DMD: variants seen among roughly 807,000 people sequenced by gnomAD.
DMD encodes dystrophin.
A neutral mutation model predicts 330.1 loss-of-function variants in DMD; 63 were observed. The observed-to-expected ratio is 0.19, with a 90% CI of 0.16 to 0.24. The LOEUF is 0.24. DMD is among the 10% of genes least tolerant of loss of function. The pLI is 1.00. For synonymous variants in DMD, 1,223 were observed against 959.8 expected, an observed-to-expected ratio of 1.27 and a Z score of -5.07; for missense variants, 3,344 against 2,684.1, an observed-to-expected ratio of 1.25 and a Z score of -5.43.
At chrX:32,301,713 G>A (rs1378292656) in intron 42 of DMD, among the ~76,000 whole-genome samples, 1 of 110,584 alleles carries the variant, frequency 9.0e-6, no homozygotes, top group African/African-American at 3.3e-5. Context: ...AAGCAAAAAA[G>A]AGAAAAAAAC....
At chrX:32,827,811 G>A (rs950396500) in intron 4 of DMD, among the ~76,000 whole-genome samples, 8 of 110,076 alleles carry the variant, frequency 7.3e-5, no homozygotes, top group Non-Finnish European at 1.3e-4. Flanking sequence ...ACAGGCATGC[G>A]CCACCACGCC....
intron 27 of DMD, among the ~76,000 whole-genome samples, chrX:32,445,111 C>T (rs781165641): frequency 1.9e-4 from 21 of 111,640 alleles, no homozygotes; most frequent in Non-Finnish European, 3.0e-4. Flanking sequence ...TGTTGACAAG[C>T]GTCAGCTTGA....
chrX:31,174,302 G>A (rs2040298369), intron 71 of DMD, among the ~76,000 whole-genome samples: 1 of 111,572 alleles, frequency 9.0e-6, no homozygotes, highest in African/African-American at 3.2e-5. Context: ...CTAAAACATA[G>A]GTGAGAAAAT....
chrX:32,859,703 CCTTTT>C (rs1047097564), intron 2 of DMD, among the ~76,000 whole-genome samples: 6 of 110,999 alleles, frequency 5.4e-5, no homozygotes, highest in Admixed American at 4.8e-4. Context: ...CTTTTTCCTC[CCTTTT>C]CTTGTTCTTT....
intron 25 of DMD, among the ~76,000 whole-genome samples, chrX:32,458,372 T>C (rs1432653313): frequency 2.7e-5 from 3 of 111,994 alleles, no homozygotes; most frequent in African/African-American, 9.7e-5. Flanking sequence ...GTTATATGCA[T>C]ATACCATGTT....
At chrX:32,688,698 G>T (rs919529122) in intron 9 of DMD, among the ~76,000 whole-genome samples, 1 of 111,265 alleles carries the variant, frequency 9.0e-6, no homozygotes, top group Admixed American at 9.6e-5. Context: ...GCATATGCAG[G>T]TCCCACAGAC....
intron 18 of DMD, among the ~76,000 whole-genome samples, chrX:32,502,713 T>A (rs1469228628): frequency 5.3e-5 from 6 of 112,300 alleles, no homozygotes; most frequent in Non-Finnish European, 1.1e-4. Flanking sequence ...AACAAAGATT[T>A]CTCTTGAATT....
intron 45 of DMD, among the ~76,000 whole-genome samples, chrX:31,959,352 T>C (rs1452430650): frequency 8.9e-6 from 1 of 112,137 alleles, no homozygotes; most frequent in Non-Finnish European, 1.9e-5. Flanking sequence ...TTTTTCAGCC[T>C]TCCTACATAT....
At chrX:33,116,236 C>T (rs901019469) in intron 1 of DMD, among the ~76,000 whole-genome samples, 5 of 110,503 alleles carry the variant, frequency 4.5e-5, no homozygotes, top group Non-Finnish European at 7.6e-5. Context: ...GCTGGCCGGG[C>T]ACAGTGGCTC....
chrX:31,683,717 A>G (rs1379324600), intron 52 of DMD, among the ~76,000 whole-genome samples: 1 of 112,293 alleles, frequency 8.9e-6, no homozygotes, highest in Non-Finnish European at 1.9e-5. Flanking sequence ...CTAGAGAAGG[A>G]GGAGGAATAT....
Position 32,096,946 on chromosome X carries a change from T to C in DMD, c.6438+119970A>G, listed in dbSNP as rs764610357. On this transcript the variant is annotated intron_variant, in intron 44 of 78. Coordinates refer to ENST00000357033, the MANE Select transcript of DMD (RefSeq NM_004006.3). ...AAAATCTACTAGAATAACGACAGCT[T>C]TAATAAAATAGAGTTTGAATGGCTT... Among the ~76,000 whole-genome samples the C allele has an allele frequency of 5.4e-5, 6 of 111,803 alleles. No homozygotes were observed. In the South Asian group the frequency reaches 2.2e-3, roughly 42 times the overall value.
intron 44 of DMD, among the ~76,000 whole-genome samples, chrX:32,181,446 C>T (rs2096926764): frequency 9.0e-6 from 1 of 111,593 alleles, no homozygotes; most frequent in African/African-American, 3.3e-5. Context: ...ACAGAAAATC[C>T]TTTTGTCTGG....
chrX:32,423,797 TATAAA>T (rs1214945898), intron 29 of DMD, among the ~76,000 whole-genome samples: 13 of 110,815 alleles, frequency 1.2e-4, no homozygotes, highest in African/African-American at 4.2e-4. Flanking sequence ...TTCCTGTAGC[TATAAA>T]ATAGAGGGTA....
Position 32,937,574 on chromosome X carries a change from T to A in DMD, c.93+82565A>T, listed in dbSNP as rs187998525. 3.2e-3 allele frequency among the ~76,000 whole-genome samples: 344 copies of A among 106,486 alleles called. 1 individual carries two copies. The highest frequency in any genetic ancestry group is 5.1e-3 in the Non-Finnish European group (264 of 51,932). The allele number at this position is 106,486 out of a possible 115,157, so 92.5% of individuals were successfully genotyped here. ...TTTCCAAAGCCTGAGGATAACATAC[T>A]ACCTACTGAGTTGGTAAACAACCTT... On this transcript the variant is annotated intron_variant, in intron 2 of 78. Transcript: ENST00000357033.
chrX:32,517,939 G>C, intron 18 of DMD, 69 bp downstream of exon 18: 2 of 1,104,128 alleles, frequency 1.8e-6, no homozygotes, highest in Non-Finnish European at 2.5e-6. Context: ...TAGAATCACA[G>C]ATAACAAAGC....
At chrX:31,577,224 A>G (rs1356158701) in intron 55 of DMD, among the ~76,000 whole-genome samples, 2 of 112,656 alleles carry the variant, frequency 1.8e-5, no homozygotes, top group Admixed American at 1.9e-4. Flanking sequence ...TGTAATGTGG[A>G]TATAAGTTAT....
At chrX:32,832,897 T>A (rs1483844245) in intron 4 of DMD, among the ~76,000 whole-genome samples, 1 of 111,403 alleles carries the variant, frequency 9.0e-6, no homozygotes, top group Non-Finnish European at 1.9e-5. Context: ...CCCTTCCTTA[T>A]CTCCGTATTT....
At chrX:32,099,505 A>G (rs1332455235) in intron 44 of DMD, among the ~76,000 whole-genome samples, 1 of 110,140 alleles carries the variant, frequency 9.1e-6, no homozygotes, top group East Asian at 2.9e-4. Flanking sequence ...ATGTCCAACA[A>G]TGATAGACTG....
intron 63 of DMD, among the ~76,000 whole-genome samples, chrX:31,223,812 ACT>A (rs1175703232): frequency 8.9e-6 from 1 of 112,175 alleles, no homozygotes; most frequent in East Asian, 2.8e-4. Flanking sequence ...TTAAATAAGC[ACT>A]GTTAACATTT....
Sources: gnomAD v4.1 joint callset for allele counts (sites outside exome capture counted in the v4.1 genomes callset) on GRCh38, gnomAD v4.1.1 for gene constraint, MANE v1.5 for transcripts, NCBI Gene and HGNC (gene_info 2026-07-23, HGNC 2026-07-21) for gene names.